HMGCLL1: variants seen among roughly 807,000 people sequenced by gnomAD.
HMGCLL1 encodes 3-hydroxy-3-methylglutaryl-CoA lyase like 1, also known as 3-hydroxymethyl-3-methylglutaryl-CoA lyase, cytoplasmic.
HMGCLL1 carries 36 observed loss-of-function variants against 39.1 expected under a neutral mutation model. That is an observed-to-expected ratio of 0.92 (90% CI 0.71 to 1.22). The LOEUF (loss-of-function observed/expected upper bound fraction) is 1.22, where lower values mean the gene tolerates loss of function less well. Among genes scored for constraint, HMGCLL1 ranks in the 50% most tolerant of loss-of-function variants. HMGCLL1 has a pLI of 0.00. For missense variants in HMGCLL1, 451 were observed against 416.5 expected, an observed-to-expected ratio of 1.08 and a Z score of -0.72; for synonymous variants, 149 against 144.0, an observed-to-expected ratio of 1.03 and a Z score of -0.25.
chr6:55,563,400 T>G (rs527963025), intron 1 of HMGCLL1, among the ~76,000 whole-genome samples: 4 of 152,230 alleles, frequency 2.6e-5, no homozygotes, highest in Admixed American at 6.5e-5. Flanking sequence ...TATGCCCAGT[T>G]TTTTTGGTTT....
chr6:55,638,021 C>T, the HMGCLL1 span, among the ~76,000 whole-genome samples: 22 of 152,018 alleles, frequency 1.4e-4, no homozygotes, highest in African/African-American at 5.3e-4. Flanking sequence ...AGCTGTGACC[C>T]TAGAATTTGA....
At chr6:55,501,179 G>T (rs1047103285) in intron 5 of HMGCLL1, among the ~76,000 whole-genome samples, 6 of 151,744 alleles carry the variant, frequency 4.0e-5, no homozygotes, top group Non-Finnish European at 7.4e-5. Context: ...ATCTAGTCAC[G>T]CATGCGGCTA....
chr6:55,551,523 G>T (rs746318090), intron 1 of HMGCLL1, among the ~76,000 whole-genome samples: 16 of 151,916 alleles, frequency 1.1e-4, no homozygotes, highest in Middle Eastern at 3.4e-3. Context: ...AGTAAAAAAA[G>T]AAAAAGAAGA....
intron 7 of HMGCLL1, among the ~76,000 whole-genome samples, chr6:55,460,477 C>T (rs1440537418): frequency 2.0e-5 from 3 of 151,820 alleles, no homozygotes; most frequent in African/African-American, 7.2e-5. Context: ...TCAGCCGCAT[C>T]TTTATAAACA....
chr6:55,555,646 T>A (rs746976513), intron 1 of HMGCLL1, among the ~76,000 whole-genome samples: 10 of 152,240 alleles, frequency 6.6e-5, no homozygotes, highest in Admixed American at 2.0e-4. Context: ...GAACTTTTTG[T>A]CAGCCACTTA....
the HMGCLL1 span, among the ~76,000 whole-genome samples, chr6:55,638,235 G>A: frequency 7.2e-5 from 11 of 151,790 alleles, no homozygotes; most frequent in Admixed American, 3.3e-4. Context: ...GTGAAACCCC[G>A]TCTCTACTAA....
At chr6:55,462,214 T>C (rs1289335866) in intron 7 of HMGCLL1, among the ~76,000 whole-genome samples, 2 of 152,178 alleles carry the variant, frequency 1.3e-5, no homozygotes, top group African/African-American at 2.4e-5. Context: ...TGCTTACCTT[T>C]CTAAAACATG....
At chr6:55,637,714 A>G in the HMGCLL1 span, among the ~76,000 whole-genome samples, 61 of 148,692 alleles carry the variant, frequency 4.1e-4, no homozygotes, top group Non-Finnish European at 5.1e-4. Context: ...ATAATTTGAT[A>G]TGTGTGTGTG....
At chr6:55,654,232 G>T in the HMGCLL1 span, among the ~76,000 whole-genome samples, 113 of 151,844 alleles carry the variant, frequency 7.4e-4, no homozygotes, top group African/African-American at 2.5e-3. Context: ...AGGGAAAGAG[G>T]AGGACACTGA....
the HMGCLL1 span, among the ~76,000 whole-genome samples, chr6:55,589,285 C>T: frequency 2.0e-5 from 3 of 152,114 alleles, no homozygotes; most frequent in African/African-American, 2.4e-5. Flanking sequence ...AGCATATAAA[C>T]AGAACCAAAG....
chr6:55,554,889 T>C (rs1235878697), intron 1 of HMGCLL1, among the ~76,000 whole-genome samples: 1 of 152,224 alleles, frequency 6.6e-6, no homozygotes, highest in Non-Finnish European at 1.5e-5. Flanking sequence ...ATCAGATCTA[T>C]CAGCAGATCA....
At chr6:55,569,552 T>G (rs1010709863) in intron 1 of HMGCLL1, among the ~76,000 whole-genome samples, 1 of 152,184 alleles carries the variant, frequency 6.6e-6, no homozygotes. Flanking sequence ...CTGTTGATCA[T>G]AGGCACATTT....
At position 55,509,386 on chromosome 6, in the gene HMGCLL1, C is replaced by A. The variant is rs184259067; in HGVS notation, c.542+4662G>T. On this transcript the variant is annotated intron_variant, in intron 5 of 8. Coordinates refer to ENST00000274901, the MANE Select transcript of HMGCLL1 (RefSeq NM_001042406.2). ...AGTCACAGTGTACTTAAAAATGGAG[C>A]CCTAAATAAGGAGACTCATTATCTC... Among the ~76,000 whole-genome samples, 4 of 151,850 alleles carry A rather than the reference C, an allele frequency of 2.6e-5. No individual in the cohort carries two copies. In the East Asian group the frequency reaches 7.8e-4, roughly 30 times the overall value.
chr6:55,541,576 G>C (rs1424930172), intron 3 of HMGCLL1, among the ~76,000 whole-genome samples, 153 bp downstream of exon 3: 12 of 151,992 alleles, frequency 7.9e-5, no homozygotes, highest in Non-Finnish European at 4.4e-5. Flanking sequence ...TTCATCAAAG[G>C]GTTTTTATTT....
chr6:55,462,606 A>G (rs1385784389), intron 7 of HMGCLL1, among the ~76,000 whole-genome samples: 2 of 152,244 alleles, frequency 1.3e-5, no homozygotes, highest in Non-Finnish European at 2.9e-5. Flanking sequence ...ATTTAAACGT[A>G]TCTAACCTAG....
rs1245606492 is a variant in HMGCLL1, at chr6:55,434,988, A to G, written c.*674T>C. 2.0e-5 allele frequency: 3 copies of G among 152,498 alleles called. No homozygotes were observed. The highest frequency in any genetic ancestry group is 4.4e-5 in the Non-Finnish European group (3 of 68,008). 9.4% of individuals were successfully genotyped at this position (152,498 alleles called of 1,614,324 possible). ...GTTTTTACTATAACTGATGACAGGT[A>G]AAGTGTGGTAAACTGGATGCATGTA... On this transcript the variant is annotated 3_prime_UTR_variant, in exon 9 of 9. Transcript: ENST00000274901.
At chr6:55,456,148 A>T (rs912529744) in intron 7 of HMGCLL1, among the ~76,000 whole-genome samples, 2 of 152,196 alleles carry the variant, frequency 1.3e-5, no homozygotes, top group Non-Finnish European at 2.9e-5. Context: ...AAGAAAAAAA[A>T]GTCATATAAG....
rs1193219366 is a variant in HMGCLL1 at position 55,477,281 on chromosome 6, TA to T, written c.795+18137del. On this transcript the variant is annotated intron_variant, in intron 7 of 8. Transcript: ENST00000274901. ...TATATATTATATAATATATATTATA[TA>T]TTATATATAAAATAATATATATTAT... Among the ~76,000 whole-genome samples the T allele has an allele frequency of 8.4e-3, 184 of 21,978 alleles. 44 individuals are homozygous for T. Among genetic ancestry groups the T allele is most frequent in the African/African-American group, 0.056 (150 of 2,692 alleles). The allele number at this position is 21,978 out of a possible 152,430, so 14.4% of individuals were successfully genotyped here. A position where few individuals can be genotyped will look rare whatever the true frequency, so the allele number is the denominator to read the frequency against.
chr6:55,659,943 T>C, the HMGCLL1 span, among the ~76,000 whole-genome samples: 1 of 151,748 alleles, frequency 6.6e-6, no homozygotes, highest in South Asian at 2.1e-4. Context: ...CTACAGAAGT[T>C]TGGGATTCAT....
Sources: allele counts gnomAD v4.1 joint callset (sites outside exome capture counted in the v4.1 genomes callset), GRCh38; gene constraint gnomAD v4.1.1; transcripts MANE v1.5; gene names NCBI Gene and HGNC (gene_info 2026-07-23, HGNC 2026-07-21).